KDR: variants seen among roughly 807,000 people sequenced by gnomAD.
KDR encodes kinase insert domain receptor.
A neutral mutation model predicts 160.9 loss-of-function variants in KDR; 43 were observed. The observed-to-expected ratio is 0.27, with a 90% CI of 0.21 to 0.34. The LOEUF is 0.34. KDR is among the 10% of genes least tolerant of loss of function. The probability of loss-of-function intolerance (pLI) is 1.00; values close to 1 mark genes in which losing one functional copy is unlikely to be tolerated. For synonymous variants in KDR, 617 were observed against 600.1 expected, an observed-to-expected ratio of 1.03 and a Z score of -0.41; for missense variants, 1,469 against 1,666.4, an observed-to-expected ratio of 0.88 and a Z score of 2.06.
intron 26 of KDR, among the ~76,000 whole-genome samples, chr4:55,088,367 C>G (rs923685624): frequency 1.3e-5 from 2 of 152,220 alleles, no homozygotes; most frequent in African/African-American, 4.8e-5. Flanking sequence ...AGGAAATTCA[C>G]TTCCATTGTA....
chr4:55,094,980 A>T, intron 20 of KDR, 25 bp from the exon 21 acceptor site: 15 of 1,610,062 alleles, frequency 9.3e-6, no homozygotes, highest in Non-Finnish European at 1.3e-5. Context: ...AGGAACAAAC[A>T]AACTCCTTGA....
chr4:55,122,360 T>A (rs1412125528), intron 1 of KDR, among the ~76,000 whole-genome samples: 4 of 152,172 alleles, frequency 2.6e-5, no homozygotes, highest in Admixed American at 6.5e-5. Context: ...AAGTAATTGA[T>A]GTTGGGCAGG....
intron 21 of KDR, among the ~76,000 whole-genome samples, chr4:55,093,616 C>T (rs928578993): frequency 1.3e-5 from 2 of 152,202 alleles, no homozygotes; most frequent in African/African-American, 4.8e-5. Context: ...TAGACCACCT[C>T]CCCATGTGCT....
At chr4:55,108,519 A>T (rs911451464) in intron 9 of KDR, among the ~76,000 whole-genome samples, 2 of 152,164 alleles carry the variant, frequency 1.3e-5, no homozygotes, top group African/African-American at 4.8e-5. Flanking sequence ...AATGAAACAG[A>T]AAAAAATGAC....
At chr4:55,089,564 GTATC>G in intron 24 of KDR, 91 bp from the exon 25 acceptor site, 1 of 1,302,970 alleles carries the variant, frequency 7.7e-7, no homozygotes, top group Middle Eastern at 1.9e-4. Context: ...CATCACCTAT[GTATC>G]TATTTTTTTT....
In KDR at chr4:55,118,648, T is replaced by C. The variant is rs758459381; in HGVS notation, c.314A>G (p.Tyr105Cys). The change falls in exon 3 of 30, where the codon TAC becomes TGC. Residue 105 changes from tyrosine to cysteine, a missense_variant. Tyr to Cys is a radical substitution (Grantham distance 194). Transcript: ENST00000263923. ...GACCGAGGCCAAGTCAGTTTCCCGG[T>C]AGAAGCACTTGTAGGCTCCAGTGTC... ...GNDTGAYKCF[Y>C]RETDLASVIY... 6.2e-7 allele frequency: 1 copy of C among 1,614,196 alleles called. No individual in the cohort carries two copies. Among genetic ancestry groups the C allele is most frequent in the South Asian group, 1.1e-5 (1 of 91,088 alleles).
intron 1 of KDR, among the ~76,000 whole-genome samples, chr4:55,124,218 CTT>C (rs539598707): frequency 1.3e-5 from 2 of 149,162 alleles, no homozygotes; most frequent in East Asian, 3.9e-4. Flanking sequence ...AATTATTCGA[CTT>C]TTTTTTTTTC....
At chr4:55,111,977 C>T (rs567378708) in intron 7 of KDR, among the ~76,000 whole-genome samples, 4 of 152,142 alleles carry the variant, frequency 2.6e-5, no homozygotes, top group Non-Finnish European at 4.4e-5. Context: ...TAAAATTTCA[C>T]TGTATTGATG....
In KDR at chr4:55,089,463, T is replaced by G; in HGVS notation, c.3315A>C (p.Pro1105=). The G allele has an allele frequency of 1.2e-6, 2 of 1,611,618 alleles. No homozygotes were observed. Among genetic ancestry groups the G allele is most frequent in the Non-Finnish European group, 1.7e-6 (2 of 1,178,066 alleles). Residue 1105 remains proline, a synonymous_variant, in exon 25 of 30, where the codon CCA becomes CCC. Transcript: ENST00000263923. ...CTTCATCAATCTTTACCCCAGGATATGGAGAAGCACCTAGAATAAAACAGG... is the reference window on the plus strand; with the variant it reads ...CTTCATCAATCTTTACCCCAGGATAGGGAGAAGCACCTAGAATAAAACAGG... The part of the protein sequence containing the change: ...LWEIFSLGAS[P]YPGVKIDEEF...
In KDR at chr4:55,080,017, A is replaced by G; in HGVS notation, c.3995T>C (p.Ile1332Thr). ...GGCTGTGCTACCGGTTTGCACTCCA[A>G]TCTCTATCAGCTTTAAAAGTTCTGC... ...EEAELLKLIE[I>T]GVQTGSTAQI... Residue 1332 changes from isoleucine to threonine, a missense_variant, in exon 30 of 30, where the codon ATT (isoleucine) becomes ACT (threonine). Physicochemically the swap from Ile to Thr is moderately conservative, Grantham distance 89. Transcript: ENST00000263923. 1.2e-6 allele frequency: 2 copies of G among 1,614,126 alleles called. No homozygotes were observed. The highest frequency in any genetic ancestry group is 1.1e-5 in the South Asian group (1 of 91,072).
At chr4:55,099,979 G>A (rs1238148474) in intron 15 of KDR, among the ~76,000 whole-genome samples, 1 of 152,212 alleles carries the variant, frequency 6.6e-6, no homozygotes. Flanking sequence ...AAGCAAAGCT[G>A]CAGATGCTCA....
Position 55,098,093 on chromosome 4 carries a change from G to A in KDR, c.2509+44C>T. 1.9e-6 allele frequency: 3 copies of A among 1,609,674 alleles called. No individual in the cohort carries two copies. The South Asian group carries it at 3.3e-5, about 18-fold the overall frequency. ...CATCATTCTAATGGAGGAAGAGATG[G>A]CCTGGTAAACACAATATCAAATTAA... On this transcript the variant is annotated intron_variant, in intron 17 of 29. Transcript: ENST00000263923.
chr4:55,087,785 T>C, intron 26 of KDR, 27 bp from the exon 27 acceptor site: 2 of 1,612,794 alleles, frequency 1.2e-6, no homozygotes, highest in Non-Finnish European at 1.7e-6. Flanking sequence ...AGAAGACTGT[T>C]GTTATGGCTT....
At chr4:55,102,076 G>C (rs2110020859) in intron 14 of KDR, 48 bp from the exon 15 acceptor site, 1 of 1,612,336 alleles carries the variant, frequency 6.2e-7, no homozygotes, top group Non-Finnish European at 8.5e-7. Context: ...GATGTAGTCT[G>C]TGAAGTTTTT....
intron 15 of KDR, 78 bp from the exon 16 acceptor site, chr4:55,098,881 T>A: frequency 1.9e-6 from 2 of 1,075,048 alleles, no homozygotes; most frequent in Non-Finnish European, 2.9e-6. Context: ...ATTTTAGCAC[T>A]AAAGCAAAAT....
chr4:55,113,608 G>C, intron 6 of KDR, 127 bp from the exon 7 acceptor site: 3 of 812,614 alleles, frequency 3.7e-6, no homozygotes, highest in Non-Finnish European at 6.0e-6. Flanking sequence ...AGGGACACCA[G>C]AACTTTTAAC....
In KDR at chr4:55,104,841, C is replaced by G; in HGVS notation, c.1789G>C (p.Glu597Gln). 1.2e-6 allele frequency: 2 copies of G among 1,613,972 alleles called. No individual in the cohort carries two copies. The highest frequency in any genetic ancestry group is 1.7e-6 in the Non-Finnish European group (2 of 1,179,894). The change falls in exon 13 of 30, where the codon GAG (glutamate) becomes CAG (glutamine). Residue 597 changes from glutamate (E) to glutamine (Q), a missense_variant. By Grantham distance (29) the Glu-to-Gln change is conservative. Around this residue, in one of 7 missense-constraint regions of KDR, gnomAD observed 792 missense variants for 840.9 expected, o/e 0.94. Transcript: ENST00000263923. ...TTCTTGCAAACAGGTGTGGGCAACT[C>G]TCCCACATGGATTGGCAGAGGCTGT... Reference protein sequence around the residue: ...GPQPLPIHVGELPTPVCKNLD... With the variant: ...GPQPLPIHVGQLPTPVCKNLD...
At position 55,113,535 on chromosome 4, in the gene KDR, TA is replaced by T. The variant is rs1720651666; in HGVS notation, c.799-55del. On this transcript the variant is annotated intron_variant, in intron 6 of 29. Transcript: ENST00000263923. The stretch of plus-strand genomic sequence containing the variant: ...AAGCACAGCATATAACATTACCCAA[TA>T]ACTTCTAGTAACACACAGAATTAAA... 4.2e-6 allele frequency: 6 copies of T among 1,433,478 alleles called. No homozygotes were observed. In the East Asian group the frequency reaches 1.4e-4, roughly 33 times the overall value. The allele number at this position is 1,433,478 out of a possible 1,614,324, so 88.8% of individuals were successfully genotyped here.
rs367947655 is a variant in KDR at position 55,096,218 on chromosome 4, C to A, written c.2728+11G>T. The stretch of plus-strand genomic sequence containing the variant: ...AAAATTGGGTGACCAAAACCACCCA[C>A]AGTTACTCACCTCCTGGCTTGGTAC... On this transcript the variant is annotated intron_variant, in intron 19 of 29. Coordinates refer to ENST00000263923, the MANE Select transcript of KDR (RefSeq NM_002253.4). 1 of 1,556,186 alleles carries A rather than the reference C, an allele frequency of 6.4e-7. No individual in the cohort carries two copies. The highest frequency in any genetic ancestry group is 8.9e-7 in the Non-Finnish European group (1 of 1,128,688).
Sources: allele counts gnomAD v4.1 joint callset (sites outside exome capture counted in the v4.1 genomes callset), GRCh38; gene constraint gnomAD v4.1.1; regional missense constraint gnomAD v4.1.1; transcripts MANE v1.5; gene names NCBI Gene and HGNC (gene_info 2026-07-23, HGNC 2026-07-21).